OLFML1: variants seen among roughly 807,000 people sequenced by gnomAD.
OLFML1 encodes the protein olfactomedin like 1, also known as olfactomedin-like protein 1.
Under a neutral mutation model 37.3 loss-of-function variants are expected in OLFML1, and 33 were observed. The ratio of observed to expected loss-of-function variants is 0.88; its 90% confidence interval spans 0.67 to 1.18. The LOEUF (loss-of-function observed/expected upper bound fraction) is 1.18, where lower values mean the gene tolerates loss of function less well. Among genes scored for constraint, OLFML1 ranks in the 50% most tolerant of loss-of-function variants. OLFML1 has a pLI of 0.00. For synonymous variants in OLFML1, 186 were observed against 181.3 expected, an observed-to-expected ratio of 1.03 and a Z score of -0.21; for missense variants, 545 against 483.7, an observed-to-expected ratio of 1.13 and a Z score of -1.19.
chr11:7,494,513 G>T (rs545702303), intron 2 of OLFML1, among the ~76,000 whole-genome samples: 1 of 152,370 alleles, frequency 6.6e-6, no homozygotes, highest in South Asian at 2.1e-4. Context: ...TAGGTTATTT[G>T]TCCAAGGTCA....
At position 7,510,024 on chromosome 11, in the gene OLFML1, G is replaced by A. The variant is rs754302549; in HGVS notation, c.1045G>A (p.Gly349Ser). 15 of 1,614,082 alleles carry A rather than the reference G, an allele frequency of 9.3e-6. No individual in the cohort carries two copies. In the African/African-American group the frequency reaches 1.7e-4, roughly 19 times the overall value. The change falls in exon 3 of 3, where the codon GGC becomes AGC. Residue 349 changes from glycine (G) to serine (S), a missense_variant. By Grantham distance (56) the Gly-to-Ser change is moderately conservative. Coordinates refer to ENST00000329293, the MANE Select transcript of OLFML1 (RefSeq NM_198474.4). ...CATCACCTGCATCTATGATCCACTG[G>A]GCACTATCAGTGAGGAGGACTTGCC... ...HRITCIYDPL[G>S]TISEEDLPNL... is the part of the protein sequence containing the mutation.
Position 7,504,517 on chromosome 11 carries a change from C to G in OLFML1, c.419-4881C>G, listed in dbSNP as rs1478018102. ...GCCTTTGGCTGCTGTGGGAATTGGA[C>G]TATGGGAGGCAAGTATGGAGGCATG... On this transcript the variant is annotated intron_variant, in intron 2 of 2. Transcript: ENST00000329293. Among the ~76,000 whole-genome samples the G allele has an allele frequency of 2.0e-5, 3 of 152,048 alleles. No individual in the cohort carries two copies. In the South Asian group the frequency reaches 6.2e-4, roughly 32 times the overall value.
intron 2 of OLFML1, among the ~76,000 whole-genome samples, chr11:7,496,341 T>C (rs1013920479): frequency 2.0e-5 from 3 of 152,238 alleles, no homozygotes; most frequent in Admixed American, 6.5e-5. Context: ...GTTATACCCA[T>C]ATAAGGCTTT....
chr11:7,505,690 A>G (rs1176313413), intron 2 of OLFML1, among the ~76,000 whole-genome samples: 1 of 152,068 alleles, frequency 6.6e-6, no homozygotes, highest in Non-Finnish European at 1.5e-5. Context: ...AATTAGCTGG[A>G]CCTGGTGGTA....
intron 2 of OLFML1, among the ~76,000 whole-genome samples, chr11:7,496,536 T>C (rs1041013170): frequency 1.3e-5 from 2 of 152,000 alleles, no homozygotes; most frequent in African/African-American, 4.8e-5. Flanking sequence ...CCATCACATG[T>C]TGAGAAAGGA....
intron 2 of OLFML1, among the ~76,000 whole-genome samples, chr11:7,506,982 C>A (rs1446435441): frequency 6.6e-6 from 1 of 152,026 alleles, no homozygotes; most frequent in Non-Finnish European, 1.5e-5. Context: ...AGAGTATAAC[C>A]CCTGGAGGAG....
chr11:7,492,033 T>TCACA (rs1449853261), intron 2 of OLFML1, among the ~76,000 whole-genome samples: 2 of 152,168 alleles, frequency 1.3e-5, no homozygotes, highest in Admixed American at 1.3e-4. Context: ...TGTAATGCAA[T>TCACA]CACAGAGTGC....
At chr11:7,505,717 G>A (rs1445692302) in intron 2 of OLFML1, among the ~76,000 whole-genome samples, 1 of 152,166 alleles carries the variant, frequency 6.6e-6, no homozygotes, top group Non-Finnish European at 1.5e-5. Flanking sequence ...TTTAGTACCA[G>A]CTACTCAGGA....
Position 7,490,266 on chromosome 11 carries a change from A to C in OLFML1, c.418+1851A>C, listed in dbSNP as rs1848579357. On this transcript the variant is annotated intron_variant, in intron 2 of 2. Transcript: ENST00000329293. Reference sequence around the variant, plus strand: ...TGGCCCTGACATTGTCCTGAGATGAATCATCCTCAAAGAGGGAGAAGCTGG... The same window carrying C: ...TGGCCCTGACATTGTCCTGAGATGACTCATCCTCAAAGAGGGAGAAGCTGG... Among the ~76,000 whole-genome samples the C allele has an allele frequency of 2.0e-5, 3 of 152,114 alleles. No individual in the cohort carries two copies. The South Asian group carries it at 6.2e-4, about 32-fold the overall frequency.
At chr11:7,497,564 C>A (rs1215437836) in intron 2 of OLFML1, among the ~76,000 whole-genome samples, 1 of 152,110 alleles carries the variant, frequency 6.6e-6, no homozygotes, top group East Asian at 1.9e-4. Flanking sequence ...CACACTCATA[C>A]CTCACACATC....
chr11:7,491,931 A>C (rs773082917), intron 2 of OLFML1, among the ~76,000 whole-genome samples: 4 of 152,214 alleles, frequency 2.6e-5, no homozygotes, highest in Non-Finnish European at 4.4e-5. Flanking sequence ...TGATTCAGCC[A>C]GCCCACCCAT....
chr11:7,504,236 TC>T (rs1188524871), intron 2 of OLFML1, among the ~76,000 whole-genome samples: 1 of 151,880 alleles, frequency 6.6e-6, no homozygotes, highest in Admixed American at 6.6e-5. Context: ...AAGTGCCAAG[TC>T]CCCAAGGCAG....
chr11:7,491,967 C>T (rs1284172776), intron 2 of OLFML1, among the ~76,000 whole-genome samples: 1 of 152,162 alleles, frequency 6.6e-6, no homozygotes. Context: ...ACTTCAAAAT[C>T]AACTGATTTG....
In OLFML1 at chr11:7,510,156, C is replaced by T. The variant is rs1282725877; in HGVS notation, c.1177C>T (p.Leu393Phe). 3 of 1,610,800 alleles carry T rather than the reference C, an allele frequency of 1.9e-6. No individual in the cohort carries two copies. The highest frequency in any genetic ancestry group is 2.5e-6 in the Non-Finnish European group (3 of 1,179,576). ...TGAAGGAAACCAGATCATTTACAAACTCCAGACAAAGAGAAAGCTGCCTCT... is the reference window on the plus strand; with the variant it reads ...TGAAGGAAACCAGATCATTTACAAATTCCAGACAAAGAGAAAGCTGCCTCT... ...WNEGNQIIYKLQTKRKLPLK is the reference protein window; with the variant it reads ...WNEGNQIIYKFQTKRKLPLK Residue 393 changes from leucine (L) to phenylalanine (F), a missense_variant, in exon 3 of 3, where the codon CTC (leucine) becomes TTC (phenylalanine). Coordinates refer to ENST00000329293, the MANE Select transcript of OLFML1 (RefSeq NM_198474.4).
At chr11:7,499,370 A>G (rs1848695615) in intron 2 of OLFML1, among the ~76,000 whole-genome samples, 1 of 152,172 alleles carries the variant, frequency 6.6e-6, no homozygotes, top group Admixed American at 6.5e-5. Context: ...TCCTTCCTCA[A>G]CCTTTTCTTC....
intron 2 of OLFML1, among the ~76,000 whole-genome samples, chr11:7,501,357 A>G (rs1187837022): frequency 6.6e-6 from 1 of 152,186 alleles, no homozygotes; most frequent in Non-Finnish European, 1.5e-5. Flanking sequence ...ACTTCTCCAC[A>G]TTCCCCAGGG....
Position 7,488,410 on chromosome 11 carries a change from A to G in OLFML1, c.413A>G (p.Asn138Ser). 2 of 1,610,500 alleles carry G rather than the reference A, an allele frequency of 1.2e-6. No homozygotes were observed. The highest frequency in any genetic ancestry group is 1.7e-6 in the Non-Finnish European group (2 of 1,178,254). ...EEEKKIRTLL[N>S]ASCDNMLMGI... ...GAGAAAAAGATCCGGACTCTGCTGA[A>G]TGCAAGTAAGAAAACTGCATCTTTT... The change falls in exon 2 of 3, where the codon AAT becomes AGT. Residue 138 changes from asparagine to serine, a missense_variant. Asn to Ser is a conservative substitution (Grantham distance 46). Transcript: ENST00000329293.
intron 2 of OLFML1, among the ~76,000 whole-genome samples, chr11:7,492,101 G>GC (rs1279406743): frequency 1.3e-5 from 2 of 152,318 alleles, no homozygotes; most frequent in East Asian, 3.9e-4. Context: ...ATTACACTGG[G>GC]CATGTACACC....
rs771079802 is a variant in OLFML1 at position 7,509,496 on chromosome 11, C to T, written c.517C>T (p.Pro173Ser). 6.2e-7 allele frequency: 1 copy of T among 1,613,988 alleles called. No individual in the cohort carries two copies. The highest frequency in any genetic ancestry group is 8.5e-7 in the Non-Finnish European group (1 of 1,179,948). The change falls in exon 3 of 3, where the codon CCA becomes TCA. Residue 173 changes from proline to serine, a missense_variant. Pro to Ser is a moderately conservative substitution (Grantham distance 74). Transcript: ENST00000329293. Reference protein sequence around the residue: ...SWMKDAVYNSPKVYLLIGSRN... With the variant: ...SWMKDAVYNSSKVYLLIGSRN... ...GATGAAAGATGCTGTCTATAACTCT[C>T]CAAAGGTGTACTTATTAATTGGATC...
Sources: gnomAD v4.1 joint callset for allele counts (sites outside exome capture counted in the v4.1 genomes callset) on GRCh38, gnomAD v4.1.1 for gene constraint, MANE v1.5 for transcripts, NCBI Gene and HGNC (gene_info 2026-07-23, HGNC 2026-07-21) for gene names.